Variants in CHAF1B observed in about 807,000 individuals in gnomAD.
CHAF1B encodes CAF-1 subunit B.
CHAF1B carries 10 observed loss-of-function variants against 60.7 expected under a neutral mutation model. The observed-to-expected ratio is 0.16, with a 90% CI of 0.10 to 0.28. The LOEUF is 0.28. Ranked by LOEUF, CHAF1B falls within the 10% of genes least tolerant of loss-of-function variation. CHAF1B has a pLI of 1.00. For missense variants in CHAF1B, 558 were observed against 708.4 expected (o/e 0.79, Z 2.41); for synonymous variants, 261 against 266.1 (o/e 0.98, Z 0.19).
chr21:36,416,137 T>C, intron 13 of CHAF1B, 138 bp from the exon 14 acceptor site: 3 of 717,984 alleles, frequency 4.2e-6, no homozygotes, highest in Non-Finnish European at 6.7e-6. Context: ...AGCCACTCTA[T>C]AGAACTTCCA....
chr21:36,397,874 CA>C (rs1194711018), intron 6 of CHAF1B: 2 of 154,326 alleles, frequency 1.3e-5, no homozygotes, highest in East Asian at 1.9e-4. Flanking sequence ...ATTACAGGCA[CA>C]TGCCACCATG....
chr21:36,402,252 C>T (rs2086197047), intron 7 of CHAF1B, among the ~76,000 whole-genome samples: 1 of 152,116 alleles, frequency 6.6e-6, no homozygotes, highest in African/African-American at 2.4e-5. Context: ...TTCTAGGTTA[C>T]AGCGACCTAT....
At chr21:36,404,369 G>A (rs1313519595) in intron 8 of CHAF1B, among the ~76,000 whole-genome samples, 1 of 149,514 alleles carries the variant, frequency 6.7e-6, no homozygotes, top group Admixed American at 6.7e-5. Context: ...AAAGTGCTGG[G>A]ATTACAGGCT....
intron 4 of CHAF1B, among the ~76,000 whole-genome samples, chr21:36,393,290 G>A (rs1237654892): frequency 1.3e-5 from 2 of 152,116 alleles, no homozygotes; most frequent in Non-Finnish European, 2.9e-5. Flanking sequence ...GTCTCACTAT[G>A]TTGCCCAGGC....
At chr21:36,389,821 AG>A (rs2086072072) in intron 3 of CHAF1B, among the ~76,000 whole-genome samples, 1 of 130,322 alleles carries the variant, frequency 7.7e-6, no homozygotes, top group African/African-American at 3.5e-5. Flanking sequence ...GCTGATTTGT[AG>A]AGGGAAAAGT....
intron 8 of CHAF1B, among the ~76,000 whole-genome samples, chr21:36,403,410 T>C (rs1405079507): frequency 8.4e-6 from 1 of 119,148 alleles, no homozygotes; most frequent in African/African-American, 3.3e-5. Flanking sequence ...TGAGCCGAGA[T>C]CACACCACTG....
intron 3 of CHAF1B, among the ~76,000 whole-genome samples, chr21:36,390,342 AAAAAAAAAAGAAAG>A (rs961904927): frequency 1.3e-5 from 2 of 151,814 alleles, no homozygotes; most frequent in African/African-American, 4.8e-5. Context: ...TCAAAAAAAA[AAAAAAAAAAGAAAG>A]AAAAACAAAG....
intron 5 of CHAF1B, 83 bp downstream of exon 5, chr21:36,394,733 T>A (rs2086123659): frequency 3.6e-6 from 2 of 561,598 alleles, no homozygotes; most frequent in East Asian, 4.4e-5. Context: ...GCTTTAACTT[T>A]TTTTTTTTTT....
rs779933840 is a variant in CHAF1B, at chr21:36,402,745, T to A, written c.664-13T>A. The A allele has an allele frequency of 5.0e-5, 80 of 1,597,394 alleles. No homozygotes were observed. The highest frequency in any genetic ancestry group is 6.5e-5 in the Non-Finnish European group (76 of 1,173,056). ...ACAAAAAAAATAATAAAAATAAATT[T>A]TGTGTGCGACAGGCAAGAAGCTACC... On this transcript the variant is annotated splice_polypyrimidine_tract_variant and intron_variant, in intron 7 of 13. Coordinates refer to ENST00000314103, the MANE Select transcript of CHAF1B (RefSeq NM_005441.3).
intron 7 of CHAF1B, among the ~76,000 whole-genome samples, chr21:36,401,844 G>A (rs911576014): frequency 4.7e-4 from 71 of 151,796 alleles, no homozygotes; most frequent in Middle Eastern, 3.4e-3. Flanking sequence ...GGGTTCAAGC[G>A]GTTCTCCTGC....
Position 36,413,078 on chromosome 21 carries a change from C to A in CHAF1B, c.1256C>A (p.Thr419Asn). The A allele has an allele frequency of 6.2e-7, 1 of 1,614,160 alleles. No homozygotes were observed. Among genetic ancestry groups the A allele is most frequent in the Non-Finnish European group, 8.5e-7 (1 of 1,180,032 alleles). ...SSPGPRPVEG[T>N]PASRTQDPSS... ...CCAGGACCCAGACCGGTAGAGGGAACCCCTGCCAGCAGAACCCAAGACCCC... is the reference window on the plus strand; with the variant it reads ...CCAGGACCCAGACCGGTAGAGGGAAACCCTGCCAGCAGAACCCAAGACCCC... Residue 419 changes from threonine (T) to asparagine (N), a missense_variant, in exon 12 of 14, where the codon ACC becomes AAC. Transcript: ENST00000314103.
chr21:36,386,110 C>A lies in CHAF1B; in HGVS notation c.-27C>A, dbSNP rs771454096. On this transcript the variant is annotated 5_prime_UTR_variant, in exon 2 of 14. Coordinates refer to ENST00000314103, the MANE Select transcript of CHAF1B (RefSeq NM_005441.3). ...AAGAAGTAGAACGGTGCCCGAGAAA[C>A]GTTTTTCCCCTTCGAGACTCAGGAG... is the stretch of plus-strand genomic sequence containing the variant. 1.9e-6 allele frequency: 3 copies of A among 1,613,130 alleles called. No individual in the cohort carries two copies. The highest frequency in any genetic ancestry group is 2.5e-6 in the Non-Finnish European group (3 of 1,179,558).
intron 4 of CHAF1B, among the ~76,000 whole-genome samples, chr21:36,393,815 T>C (rs2086114176): frequency 6.6e-6 from 1 of 152,154 alleles, no homozygotes; most frequent in African/African-American, 2.4e-5. Flanking sequence ...CCAGTGGAAA[T>C]TTTGGAATCT....
At chr21:36,403,768 C>T (rs1162280697) in intron 8 of CHAF1B, among the ~76,000 whole-genome samples, 7 of 152,168 alleles carry the variant, frequency 4.6e-5, no homozygotes, top group Non-Finnish European at 1.0e-4. Context: ...ATTGTGGCCA[C>T]AGTGTTCTCA....
intron 8 of CHAF1B, among the ~76,000 whole-genome samples, chr21:36,405,824 A>G (rs1420253744): frequency 1.3e-5 from 2 of 152,208 alleles, no homozygotes; most frequent in Non-Finnish European, 2.9e-5. Context: ...ACAAATGGAA[A>G]GATATGTCGT....
Position 36,409,361 on chromosome 21 carries a change from A to G in CHAF1B, c.828-13A>G. ...CACAGTGCCTTTTCCTAACACTGCA[A>G]TTAATCCATTAGGCCCATCGCTCAT... On this transcript the variant is annotated splice_polypyrimidine_tract_variant and intron_variant, in intron 9 of 13. Transcript: ENST00000314103. The G allele has an allele frequency of 6.2e-7, 1 of 1,606,332 alleles. No individual in the cohort carries two copies. The highest frequency in any genetic ancestry group is 8.5e-7 in the Non-Finnish European group (1 of 1,173,786).
In CHAF1B at chr21:36,418,665, A is replaced by T. The variant is rs2086335000; in HGVS notation, c.*2299A>T. The T allele has an allele frequency of 6.6e-6, 1 of 152,012 alleles. No individual in the cohort carries two copies. Among genetic ancestry groups the T allele is most frequent in the Non-Finnish European group, 1.5e-5 (1 of 68,054 alleles). The allele number at this position is 152,012 out of a possible 1,614,324, so 9.4% of individuals were successfully genotyped here. On this transcript the variant is annotated 3_prime_UTR_variant, in exon 14 of 14. Transcript: ENST00000314103. ...GGAGTTTGAGACCAGCCTGGCCAAC[A>T]TGGTGGAACCCCATCTCTACTAAAA...
At position 36,416,290 on chromosome 21, in the gene CHAF1B, C is replaced by G; in HGVS notation, c.1604C>G (p.Ala535Gly). The G allele has an allele frequency of 1.2e-6, 2 of 1,613,986 alleles. No individual in the cohort carries two copies. The highest frequency in any genetic ancestry group is 1.7e-6 in the Non-Finnish European group (2 of 1,179,932). Residue 535 changes from alanine (A) to glycine (G), a missense_variant, in exon 14 of 14, where the codon GCT becomes GGT. Coordinates refer to ENST00000314103, the MANE Select transcript of CHAF1B (RefSeq NM_005441.3). ...AATGTTGCAGAGACGCCTGGAGACG[C>G]TCAGGGCAGTCCCCCAGAGCTAAAG... is the stretch of plus-strand genomic sequence containing the variant. ...EEIQSETPGD[A>G]QGSPPELKRP...
rs2086089033 is a variant in CHAF1B at position 36,391,614 on chromosome 21, A to T, written c.323A>T (p.Asp108Val). ...GAGCCGGAGCAGATCGCTTTTCAGG[A>T]TGAGGACGAGGCCCAGCTGAACAAG... ...NKEPEQIAFQ[D>V]EDEAQLNKEN... is the part of the protein sequence containing the mutation. Residue 108 changes from aspartate (D) to valine (V), a missense_variant, in exon 4 of 14, where the codon GAT becomes GTT. Asp to Val is a radical substitution (Grantham distance 152). Around this residue, in one of 2 missense-constraint regions of CHAF1B, gnomAD observed 325 missense variants for 493.5 expected, o/e 0.66. Transcript: ENST00000314103. 2 of 1,613,836 alleles carry T rather than the reference A, an allele frequency of 1.2e-6. No homozygotes were observed. The highest frequency in any genetic ancestry group is 2.7e-5 in the African/African-American group (2 of 75,036).
Sources: allele counts gnomAD v4.1 joint callset (sites outside exome capture counted in the v4.1 genomes callset), GRCh38; gene constraint gnomAD v4.1.1; regional missense constraint gnomAD v4.1.1; transcripts MANE v1.5; gene names NCBI Gene and HGNC (gene_info 2026-07-23, HGNC 2026-07-21).